The following INPP4B variants were observed in gnomAD, a reference collection of about 807,000 sequenced individuals.
INPP4B encodes inositol polyphosphate-4-phosphatase type II B.
Under a neutral mutation model 122.5 loss-of-function variants are expected in INPP4B, and 55 were observed. The observed-to-expected ratio is 0.45, with a 90% confidence interval of 0.36 to 0.56. The LOEUF (loss-of-function observed/expected upper bound fraction) is 0.56. Ranked by LOEUF, INPP4B falls within the 20% of genes least tolerant of loss-of-function variation. The pLI is 0.00. For synonymous variants in INPP4B, 403 were observed against 388.7 expected, an observed-to-expected ratio of 1.04 and a Z score of -0.43; for missense variants, 1,000 against 1,097.7, an observed-to-expected ratio of 0.91 and a Z score of 1.26.
intron 1 of INPP4B, among the ~76,000 whole-genome samples, chr4:142,775,319 A>G (rs555508686): frequency 7.9e-5 from 12 of 152,172 alleles, no homozygotes; most frequent in South Asian, 2.1e-4. Flanking sequence ...ATGGATAGTT[A>G]TGCTCAAACT....
At chr4:142,083,585 G>A (rs531931250) in intron 24 of INPP4B, among the ~76,000 whole-genome samples, 13 of 152,120 alleles carry the variant, frequency 8.5e-5, no homozygotes, top group Non-Finnish European at 1.8e-4. Context: ...AAAGTTGTCC[G>A]CTTTTAAAAG....
intron 22 of INPP4B, among the ~76,000 whole-genome samples, chr4:142,108,752 C>T (rs1039868471): frequency 3.3e-5 from 5 of 152,114 alleles, no homozygotes; most frequent in African/African-American, 7.2e-5. Context: ...GTTCTGTACA[C>T]GTAGTCTTCC....
intron 2 of INPP4B, among the ~76,000 whole-genome samples, chr4:142,604,195 T>G (rs1345036552): frequency 1.3e-5 from 2 of 152,006 alleles, no homozygotes; most frequent in East Asian, 3.9e-4. Context: ...TGATAAAAAC[T>G]TCTCAACAAA....
At chr4:142,134,617 G>T (rs965890593) in intron 18 of INPP4B, among the ~76,000 whole-genome samples, 3 of 151,860 alleles carry the variant, frequency 2.0e-5, no homozygotes, top group Non-Finnish European at 4.4e-5. Context: ...ACAACATGGA[G>T]AAACCCCATC....
chr4:142,625,663 C>T (rs1365835074), intron 2 of INPP4B, among the ~76,000 whole-genome samples: 1 of 151,984 alleles, frequency 6.6e-6, no homozygotes, highest in Admixed American at 6.6e-5. Flanking sequence ...AAAAAAGAGC[C>T]CGCATCACCA....
chr4:142,306,748 G>GC (rs916105953), intron 8 of INPP4B, among the ~76,000 whole-genome samples: 7 of 152,262 alleles, frequency 4.6e-5, no homozygotes, highest in African/African-American at 1.4e-4. Flanking sequence ...CGCCTGTCAT[G>GC]CCTATAATCC....
chr4:142,360,504 C>A (rs558214988), intron 7 of INPP4B, among the ~76,000 whole-genome samples: 1 of 151,912 alleles, frequency 6.6e-6, no homozygotes, highest in Non-Finnish European at 1.5e-5. Flanking sequence ...ACATATCACA[C>A]GTTTTTATTT....
chr4:142,820,796 T>C (rs1158261653), intron 1 of INPP4B, among the ~76,000 whole-genome samples: 1 of 152,152 alleles, frequency 6.6e-6, no homozygotes, highest in African/African-American at 2.4e-5. Context: ...GTTTCTCCCT[T>C]TGCTCCTTTT....
intron 12 of INPP4B, among the ~76,000 whole-genome samples, chr4:142,229,302 G>A (rs1322819826): frequency 2.0e-5 from 3 of 151,908 alleles, no homozygotes; most frequent in South Asian, 2.1e-4. Context: ...CATGATAAAC[G>A]GGGAAAAATA....
intron 2 of INPP4B, among the ~76,000 whole-genome samples, chr4:142,623,715 C>A (rs1241363777): frequency 1.3e-5 from 2 of 149,468 alleles, no homozygotes; most frequent in East Asian, 2.0e-4. Flanking sequence ...CTATCCCTCC[C>A]CCCTCACCCC....
At position 142,387,938 on chromosome 4, in the gene INPP4B, T is replaced by C. The variant is rs190141904; in HGVS notation, c.372+15000A>G. ...CACGTGGCAGTACTTTCTCTTGGTC[T>C]GTGCTCTTACCACAGCAGCCCAGGT... On this transcript the variant is annotated intron_variant, in intron 7 of 25. Transcript: ENST00000262992. Among the ~76,000 whole-genome samples, 689 of 152,340 alleles carry C rather than the reference T, an allele frequency of 4.5e-3. 5 individuals are homozygous for C. The highest frequency in any genetic ancestry group is 0.016 in the African/African-American group (674 of 41,584).
chr4:142,599,418 T>C (rs1268769112), intron 2 of INPP4B, among the ~76,000 whole-genome samples: 1 of 152,170 alleles, frequency 6.6e-6, no homozygotes, highest in Non-Finnish European at 1.5e-5. Context: ...ATACTACTGA[T>C]GCTATTTACA....
At chr4:142,294,401 G>A (rs1757680943) in intron 9 of INPP4B, among the ~76,000 whole-genome samples, 1 of 152,016 alleles carries the variant, frequency 6.6e-6, no homozygotes, top group Non-Finnish European at 1.5e-5. Flanking sequence ...TGTGGTGGGG[G>A]ATGGTGACTA....
intron 5 of INPP4B, among the ~76,000 whole-genome samples, chr4:142,417,553 T>C (rs1015649495): frequency 6.6e-5 from 10 of 152,164 alleles, no homozygotes; most frequent in Non-Finnish European, 2.9e-5. Flanking sequence ...ATTTCATCTA[T>C]ATTAGCTCAA....
chr4:142,733,597 G>A (rs1055910684), intron 1 of INPP4B, among the ~76,000 whole-genome samples: 1 of 152,074 alleles, frequency 6.6e-6, no homozygotes, highest in African/African-American at 2.4e-5. Flanking sequence ...GCAGACAAAT[G>A]AGGCTGAATT....
At chr4:142,625,558 C>T (rs1262416414) in intron 2 of INPP4B, among the ~76,000 whole-genome samples, 2 of 152,090 alleles carry the variant, frequency 1.3e-5, no homozygotes, top group East Asian at 3.9e-4. Flanking sequence ...CCATACTGCC[C>T]AAGGTAATTT....
chr4:142,061,681 G>A (rs1048585217), intron 25 of INPP4B, among the ~76,000 whole-genome samples: 2 of 151,648 alleles, frequency 1.3e-5, no homozygotes, highest in Admixed American at 6.6e-5. Context: ...GAGTCACAAC[G>A]ATTGGGTCAT....
At chr4:142,083,319 C>G (rs1457707028) in intron 24 of INPP4B, among the ~76,000 whole-genome samples, 1 of 152,028 alleles carries the variant, frequency 6.6e-6, no homozygotes, top group Non-Finnish European at 1.5e-5. Context: ...TTCTGTTTTC[C>G]TCTATGGTTC....
intron 1 of INPP4B, among the ~76,000 whole-genome samples, chr4:142,752,109 T>G (rs76140792): frequency 0.03 from 4,552 of 152,188 alleles, 84 homozygotes; most frequent in Non-Finnish European, 0.041. Flanking sequence ...TAAGTTGAAA[T>G]TTCCTCTAAG....
Sources: allele counts gnomAD v4.1 joint callset (sites outside exome capture counted in the v4.1 genomes callset), GRCh38; gene constraint gnomAD v4.1.1; transcripts MANE v1.5; gene names NCBI Gene and HGNC (gene_info 2026-07-23, HGNC 2026-07-21).